The following ZSWIM6 variants were observed in gnomAD, a reference collection of about 807,000 sequenced individuals.
ZSWIM6 encodes zinc finger SWIM-type containing 6, also known as zinc finger SWIM domain-containing protein 6.
ZSWIM6 carries 9 observed loss-of-function variants against 113.2 expected under a neutral mutation model. The ratio of observed to expected loss-of-function variants is 0.08; its 90% CI spans 0.05 to 0.14. The LOEUF is 0.14. Ranked by LOEUF, ZSWIM6 falls within the 10% of genes least tolerant of loss-of-function variation. ZSWIM6 has a pLI of 1.00. For missense variants in ZSWIM6, 1,162 were observed against 1,552.2 expected (o/e 0.75, Z 4.22); for synonymous variants, 611 against 606.5 (o/e 1.01, Z -0.11).
intron 1 of ZSWIM6, among the ~76,000 whole-genome samples, chr5:61,452,697 C>CT (rs2112159161): frequency 6.6e-6 from 1 of 152,256 alleles, no homozygotes; most frequent in South Asian, 2.1e-4. Flanking sequence ...TTACCATTAC[C>CT]TTGGTACTTT....
At chr5:61,442,979 A>G (rs1746871844) in intron 1 of ZSWIM6, among the ~76,000 whole-genome samples, 1 of 152,216 alleles carries the variant, frequency 6.6e-6, no homozygotes, top group Non-Finnish European at 1.5e-5. Flanking sequence ...CCATTAGTTC[A>G]GTGCATGCAA....
intron 1 of ZSWIM6, among the ~76,000 whole-genome samples, chr5:61,372,042 C>T (rs1039075891): frequency 1.7e-4 from 26 of 150,424 alleles, no homozygotes; most frequent in African/African-American, 3.7e-4. Context: ...TATTATCTTT[C>T]GGAGTGAATA....
intron 4 of ZSWIM6, among the ~76,000 whole-genome samples, chr5:61,510,998 G>A (rs1027099381): frequency 2.0e-5 from 3 of 152,214 alleles, no homozygotes; most frequent in Admixed American, 2.0e-4. Flanking sequence ...CGTATTGAAG[G>A]GAAAGGAGAT....
chr5:61,479,070 C>T (rs1747787350), intron 2 of ZSWIM6, among the ~76,000 whole-genome samples: 1 of 151,654 alleles, frequency 6.6e-6, no homozygotes, highest in Admixed American at 6.6e-5. Context: ...ACTTGGGAGG[C>T]TGAGGCAGGA....
intron 1 of ZSWIM6, among the ~76,000 whole-genome samples, chr5:61,441,283 C>G (rs116036538): frequency 0.011 from 1,655 of 152,220 alleles, 13 homozygotes; most frequent in Non-Finnish European, 0.017. Context: ...ATTAGGCAGA[C>G]TCAACTTGAG....
At chr5:61,414,443 C>T (rs995683843) in intron 1 of ZSWIM6, among the ~76,000 whole-genome samples, 1 of 152,116 alleles carries the variant, frequency 6.6e-6, no homozygotes, top group Non-Finnish European at 1.5e-5. Flanking sequence ...GGACCTGAGT[C>T]TGAGCTATGC....
chr5:61,423,391 A>G (rs866181949), intron 1 of ZSWIM6, among the ~76,000 whole-genome samples: 25 of 151,644 alleles, frequency 1.6e-4, no homozygotes, highest in Admixed American at 3.3e-4. Flanking sequence ...CTGGGCATCA[A>G]GAGTGAAACT....
At chr5:61,517,362 T>A (rs2112254627) in intron 4 of ZSWIM6, among the ~76,000 whole-genome samples, 1 of 152,302 alleles carries the variant, frequency 6.6e-6, no homozygotes, top group South Asian at 2.1e-4. Context: ...ATTTCTAGCT[T>A]CACATTCACT....
At chr5:61,397,829 C>T (rs186030406) in intron 1 of ZSWIM6, among the ~76,000 whole-genome samples, 12 of 152,240 alleles carry the variant, frequency 7.9e-5, no homozygotes, top group East Asian at 7.7e-4. Context: ...ACTTAATCCA[C>T]GTTGAGAGGG....
intron 1 of ZSWIM6, among the ~76,000 whole-genome samples, chr5:61,469,457 C>T (rs1458698453): frequency 1.3e-5 from 2 of 152,132 alleles, no homozygotes; most frequent in East Asian, 3.9e-4. Flanking sequence ...CTTCACATTT[C>T]TCTTGGAATT....
chr5:61,419,895 A>T (rs894089651), intron 1 of ZSWIM6, among the ~76,000 whole-genome samples: 10 of 152,238 alleles, frequency 6.6e-5, no homozygotes, highest in Non-Finnish European at 1.3e-4. Flanking sequence ...GGTTTCATCA[A>T]TAGAAATATC....
chr5:61,356,519 C>T (rs1744909303), intron 1 of ZSWIM6, among the ~76,000 whole-genome samples: 1 of 151,036 alleles, frequency 6.6e-6, no homozygotes, highest in African/African-American at 2.4e-5. Flanking sequence ...GCAAAAACTG[C>T]AATTACTTTT....
rs113532628 is a variant in ZSWIM6, at chr5:61,448,327, C to T, written c.677-24354C>T. On this transcript the variant is annotated intron_variant, in intron 1 of 13. Transcript: ENST00000252744. ...ACTTAACATAGTACATGACTCTTGT[C>T]ACTTTCTTCTTTATATATTTGGATT... 2.6e-4 allele frequency among the ~76,000 whole-genome samples: 40 copies of T among 152,200 alleles called. 1 individual carries two copies. Among genetic ancestry groups the T allele is most frequent in the African/African-American group, 9.6e-4 (40 of 41,528 alleles).
In ZSWIM6 at chr5:61,526,302, C is replaced by T; in HGVS notation, c.1743C>T (p.Tyr581=). 6.4e-7 allele frequency: 1 copy of T among 1,551,838 alleles called. No individual in the cohort carries two copies. The highest frequency in any genetic ancestry group is 8.7e-7 in the Non-Finnish European group (1 of 1,147,014). Residue 581 remains tyrosine, a synonymous_variant, in exon 7 of 14, where the codon TAC becomes TAT. Coordinates refer to ENST00000252744, the MANE Select transcript of ZSWIM6 (RefSeq NM_020928.2). ...ARVDALRSHG[Y]PREALRLAIA... ...TGGACGCATTACGTTCTCATGGGTACCCCAGAGAAGCACTGAGACTAGCAA... is the reference window on the plus strand; with the variant it reads ...TGGACGCATTACGTTCTCATGGGTATCCCAGAGAAGCACTGAGACTAGCAA...
At chr5:61,358,327 A>G (rs1744962619) in intron 1 of ZSWIM6, among the ~76,000 whole-genome samples, 2 of 152,206 alleles carry the variant, frequency 1.3e-5, no homozygotes, top group South Asian at 4.1e-4. Context: ...GTATTTCCTC[A>G]TTCTTTTAAG....
At chr5:61,357,948 GGTT>G (rs1744953539) in intron 1 of ZSWIM6, among the ~76,000 whole-genome samples, 1 of 152,154 alleles carries the variant, frequency 6.6e-6, no homozygotes, top group South Asian at 2.1e-4. Context: ...AGCTGTCCTT[GGTT>G]GTTAGCGCCA....
At chr5:61,394,173 T>C (rs1048769830) in intron 1 of ZSWIM6, among the ~76,000 whole-genome samples, 2 of 152,260 alleles carry the variant, frequency 1.3e-5, no homozygotes, top group Non-Finnish European at 2.9e-5. Flanking sequence ...CAAGCTCTTA[T>C]GATTAAAAGA....
chr5:61,356,748 T>C (rs1487187330), intron 1 of ZSWIM6, among the ~76,000 whole-genome samples: 1 of 139,378 alleles, frequency 7.2e-6, no homozygotes, highest in Non-Finnish European at 1.5e-5. Flanking sequence ...ATTATATATA[T>C]ATATTATATA....
At chr5:61,410,325 T>G (rs574429216) in intron 1 of ZSWIM6, among the ~76,000 whole-genome samples, 149 of 151,048 alleles carry the variant, frequency 9.9e-4, no homozygotes, top group Admixed American at 2.9e-3. Flanking sequence ...TTTTTTTTTT[T>G]TTTCAGACGG....
Sources: allele counts gnomAD v4.1 joint callset (sites outside exome capture counted in the v4.1 genomes callset), GRCh38; gene constraint gnomAD v4.1.1; transcripts MANE v1.5; gene names NCBI Gene and HGNC (gene_info 2026-07-23, HGNC 2026-07-21).